The following OPN5 variants were observed in gnomAD, a reference collection of about 807,000 sequenced individuals.
OPN5 encodes opsin 5.
Under a neutral mutation model 41.7 loss-of-function variants are expected in OPN5, and 18 were observed. That is an observed-to-expected ratio of 0.43 (90% CI 0.30 to 0.64). The LOEUF (loss-of-function observed/expected upper bound fraction) is 0.64. OPN5 is among the 30% of genes least tolerant of loss of function. The probability of loss-of-function intolerance (pLI) is 0.13; values close to 1 mark genes in which losing one functional copy is unlikely to be tolerated. For synonymous variants in OPN5, 178 were observed against 164.3 expected (o/e 1.08, Z -0.64); for missense variants, 318 against 434.5 (o/e 0.73, Z 2.38).
rs544792110 is a variant in OPN5, at chr6:47,799,127, T to A, written c.756+3564T>A. ...TTGTAGCTTTTTTCTAATTAATTTT[T>A]AAAAATGATGGTTTTGCTAGACTTT... On this transcript the variant is annotated intron_variant, in intron 4 of 6. Transcript: ENST00000371211. 1.2e-3 allele frequency among the ~76,000 whole-genome samples: 175 copies of A among 152,026 alleles called. 1 individual carries two copies. Among genetic ancestry groups the A allele is most frequent in the South Asian group, 3.9e-3 (19 of 4,822 alleles).
In OPN5 at chr6:47,806,242, A is replaced by C. The variant is rs193142403; in HGVS notation, c.757-1912A>C. ...AGACAGATTTGAATACAGTTTTCAA[A>C]TTTATTTTACAGAAGGAATATCCTA... On this transcript the variant is annotated intron_variant, in intron 4 of 6. Coordinates refer to ENST00000371211, the Ensembl canonical transcript of OPN5. Among the ~76,000 whole-genome samples, 81 of 152,252 alleles carry C rather than the reference A, an allele frequency of 5.3e-4. 1 individual carries two copies. The highest frequency in any genetic ancestry group is 5.3e-3 in the Admixed American group (81 of 15,292).
intron 3 of OPN5, among the ~76,000 whole-genome samples, chr6:47,793,939 T>C (rs921795281): frequency 6.6e-6 from 1 of 152,192 alleles, no homozygotes; most frequent in Non-Finnish European, 1.5e-5. Context: ...CCCTATCTGG[T>C]TGGGCATGAA....
In OPN5 at chr6:47,814,565, G is replaced by A. The variant is rs147848645; in HGVS notation, c.1056+2834G>A. Among the ~76,000 whole-genome samples, 3 of 152,156 alleles carry A rather than the reference G, an allele frequency of 2.0e-5. No homozygotes were observed. The East Asian group carries it at 5.8e-4, about 29-fold the overall frequency. On this transcript the variant is annotated intron_variant, in intron 6 of 6. Transcript: ENST00000371211. ...TTTTGGGTAATAATCTGAGAGCTGG[G>A]AGGCACCAGAATTGATAGAGATGTG...
At chr6:47,792,385 C>T (rs753158128) in intron 3 of OPN5, among the ~76,000 whole-genome samples, 3 of 152,136 alleles carry the variant, frequency 2.0e-5, no homozygotes, top group Non-Finnish European at 4.4e-5. Flanking sequence ...ACTCACGCTC[C>T]CTGTGATTTC....
chr6:47,784,289 A>G (rs1275367955), intron 1 of OPN5, among the ~76,000 whole-genome samples: 9 of 113,378 alleles, frequency 7.9e-5, no homozygotes, highest in African/African-American at 2.9e-4. Flanking sequence ...GCTAGTGTAG[A>G]TGTTGCAAGA....
At chr6:47,812,347 C>T (rs1272474106) in intron 6 of OPN5, among the ~76,000 whole-genome samples, 10 of 152,096 alleles carry the variant, frequency 6.6e-5, no homozygotes, top group Admixed American at 3.9e-4. Context: ...ATTTTACCTG[C>T]GTGGATTTTC....
chr6:47,810,394 A>T (rs1056106391), intron 5 of OPN5, among the ~76,000 whole-genome samples: 1 of 152,170 alleles, frequency 6.6e-6, no homozygotes, highest in Non-Finnish European at 1.5e-5. Context: ...AAGAAGCCAA[A>T]AAGAAACCTC....
intron 3 of OPN5, among the ~76,000 whole-genome samples, chr6:47,793,945 A>G (rs1773462894): frequency 6.6e-6 from 1 of 152,228 alleles, no homozygotes; most frequent in African/African-American, 2.4e-5. Context: ...CTGGTTGGGC[A>G]TGAAATTTGC....
At chr6:47,808,936 A>G (rs901482238) in intron 5 of OPN5, among the ~76,000 whole-genome samples, 1 of 152,200 alleles carries the variant, frequency 6.6e-6, no homozygotes, top group African/African-American at 2.4e-5. Flanking sequence ...TTGAGGTTCA[A>G]GTAAGGTTAA....
intron 6 of OPN5, among the ~76,000 whole-genome samples, chr6:47,813,042 A>T (rs1013386033): frequency 1.3e-5 from 2 of 151,676 alleles, no homozygotes; most frequent in African/African-American, 4.9e-5. Flanking sequence ...TGCCAAATAG[A>T]TGTTGGAAAA....
intron 2 of OPN5, among the ~76,000 whole-genome samples, chr6:47,788,266 G>C (rs148373976): frequency 4.7e-4 from 71 of 152,352 alleles, no homozygotes; most frequent in African/African-American, 1.6e-3. Flanking sequence ...TTCCTGGCCA[G>C]CTCGCCTCGC....
intron 4 of OPN5, among the ~76,000 whole-genome samples, chr6:47,796,543 T>G (rs979779685): frequency 2.6e-5 from 4 of 152,076 alleles, no homozygotes; most frequent in Non-Finnish European, 5.9e-5. Context: ...CCCCCCAAAT[T>G]TTCTCTTCTA....
intron 2 of OPN5, among the ~76,000 whole-genome samples, chr6:47,790,638 A>G (rs1773340335): frequency 6.6e-6 from 1 of 152,248 alleles, no homozygotes; most frequent in Non-Finnish European, 1.5e-5. Context: ...TAAATAAATA[A>G]AAGGACAAAT....
intron 4 of OPN5, among the ~76,000 whole-genome samples, chr6:47,796,892 CA>C (rs1773589795): frequency 6.6e-6 from 1 of 152,188 alleles, no homozygotes; most frequent in Admixed American, 6.5e-5. Context: ...TTAATTGACT[CA>C]CAATTCCACA....
At chr6:47,790,196 T>C (rs928355137) in intron 2 of OPN5, among the ~76,000 whole-genome samples, 1 of 152,200 alleles carries the variant, frequency 6.6e-6, no homozygotes, top group Non-Finnish European at 1.5e-5. Flanking sequence ...ACAAAAAGGA[T>C]TTTAAAATAA....
chr6:47,819,353 A>ATGT (rs1491208722), intron 6 of OPN5, among the ~76,000 whole-genome samples: 2 of 84,868 alleles, frequency 2.4e-5, no homozygotes, highest in South Asian at 4.4e-4. Context: ...ATATATATAT[A>ATGT]AAAAATATAT....
chr6:47,811,730 A>G, exon 6 of OPN5: 1 of 1,608,430 alleles, frequency 6.2e-7, no homozygotes, highest in African/African-American at 1.3e-5. Context: ...ATTCATGAAG[A>G]GGTATGAAGA....
chr6:47,821,842 T>C (rs778226935), intron 6 of OPN5, among the ~76,000 whole-genome samples: 1 of 152,052 alleles, frequency 6.6e-6, no homozygotes, highest in Non-Finnish European at 1.5e-5. Flanking sequence ...AGGCCAGGCA[T>C]GGTGGCTCAT....
rs748382327 is a variant in OPN5 at position 47,813,107 on chromosome 6, C to CAAA, written c.1056+1378_1056+1379insAAA. On this transcript the variant is annotated intron_variant, in intron 6 of 6. Transcript: ENST00000371211. Reference sequence around the variant, plus strand: ...ACAACAACAACAACAACAACAACAACAACAACAAGCAACAACTCTGCTTGG... The same window carrying CAAA: ...ACAACAACAACAACAACAACAACAACAAAAACAACAAGCAACAACTCTGCTTGG... 6.2e-4 allele frequency among the ~76,000 whole-genome samples: 69 copies of CAAA among 111,818 alleles called. No homozygotes were observed. In the South Asian group the frequency reaches 0.015, roughly 25 times the overall value. The allele number at this position is 111,818 out of a possible 152,430, so 73.4% of individuals were successfully genotyped here. A position where few individuals can be genotyped will look rare whatever the true frequency, so the allele number is the denominator to read the frequency against.
Sources: allele counts gnomAD v4.1 joint callset (sites outside exome capture counted in the v4.1 genomes callset), GRCh38; gene constraint gnomAD v4.1.1; transcripts MANE v1.5; gene names NCBI Gene and HGNC (gene_info 2026-07-23, HGNC 2026-07-21).